The following SMARCD2 variants were observed in gnomAD, a reference collection of about 807,000 sequenced individuals.
SMARCD2 encodes the protein SWI/SNF-related matrix-associated actin-dependent regulator of chromatin subfamily D member 2.
In SMARCD2, 39 loss-of-function variants were observed where a neutral mutation model predicts 70.4. The observed-to-expected ratio is 0.55, with a 90% CI of 0.43 to 0.72. The LOEUF is 0.72. Among genes scored for constraint, SMARCD2 ranks in the 30% least tolerant of loss-of-function variants. SMARCD2 has a pLI of 0.00. For missense variants in SMARCD2, 540 were observed against 713.4 expected (o/e 0.76, Z 2.77); for synonymous variants, 249 against 279.4 (o/e 0.89, Z 1.08).
chr17:63,832,319 G>A lies in SMARCD2; in HGVS notation c.*619C>T. ...GAGGCAGCCCTCTGGCATCCCAGGA[G>A]ATGATGGCGGCCAGAGCCGCTTGCA... is the stretch of plus-strand genomic sequence containing the variant. On this transcript the variant is annotated 3_prime_UTR_variant, in exon 13 of 13. Coordinates refer to ENST00000448276, the MANE Select transcript of SMARCD2 (RefSeq NM_001098426.2). 1 of 328,542 alleles carries A rather than the reference G, an allele frequency of 3.0e-6. No individual in the cohort carries two copies. The highest frequency in any genetic ancestry group is 6.1e-5 in the East Asian group (1 of 16,472). The allele number at this position is 328,542 out of a possible 1,614,324, so 20.4% of individuals were successfully genotyped here.
Position 63,837,455 on chromosome 17 carries a change from A to G in SMARCD2, c.387T>C (p.Pro129=). The change falls in exon 2 of 13, where the codon CCT becomes CCC. Residue 129 remains proline, a synonymous_variant. Transcript: ENST00000448276. This position sits in a 1 kb window ranked among gnomAD's most constrained non-coding sequence, Gnocchi z 6.4. ...LLVPQAQPPM[P]AQRRGLKRRK... ...GATGCTCTTACCCCCGGCGCTGGGC[A>G]GGCATGGGAGGCTGCGCCTGGGGCA... is the stretch of plus-strand genomic sequence containing the variant. 1 of 1,574,742 alleles carries G rather than the reference A, an allele frequency of 6.4e-7. No individual in the cohort carries two copies. Among genetic ancestry groups the G allele is most frequent in the Non-Finnish European group, 8.6e-7 (1 of 1,158,194 alleles).
In SMARCD2 at chr17:63,835,406, A is replaced by G; in HGVS notation, c.723+6T>C. 4 of 1,611,908 alleles carry G rather than the reference A, an allele frequency of 2.5e-6. No individual in the cohort carries two copies. Among genetic ancestry groups the G allele is most frequent in the South Asian group, 1.1e-5 (1 of 90,888 alleles). ...CTTCCCTCCAGAACCTCCCTCCCCA[A>G]CTCACATCATCCAGCAGTTTTCCTT... On this transcript the variant is annotated splice_donor_region_variant and intron_variant, in intron 5 of 12. Coordinates refer to ENST00000448276, the MANE Select transcript of SMARCD2 (RefSeq NM_001098426.2).
rs924483109 is a variant in SMARCD2 at position 63,838,498 on chromosome 17, G to A, written c.217-873C>T. On this transcript the variant is annotated intron_variant, in intron 1 of 12. Transcript: ENST00000448276. ...CGTGTAGCCCTGGCAATCCCAAGCT[G>A]GAGAAGGGGGCTAAGATTATCCTGG... The A allele has an allele frequency of 7.9e-6, 8 of 1,008,550 alleles. No individual in the cohort carries two copies. In the African/African-American group the frequency reaches 1.3e-4, roughly 17 times the overall value. The allele number at this position is 1,008,550 out of a possible 1,614,324, so 62.5% of individuals were successfully genotyped here.
rs200160126 is a variant in SMARCD2 at position 63,835,514 on chromosome 17, C to T, written c.621G>A (p.Ala207=). The T allele has an allele frequency of 4.1e-5, 66 of 1,614,042 alleles. No individual in the cohort carries two copies. The highest frequency in any genetic ancestry group is 4.0e-4 in the East Asian group (18 of 44,888). Residue 207 remains alanine (A), a synonymous_variant, in exon 5 of 13, where the codon GCG becomes GCA. Transcript: ENST00000448276. ...CTGCAGTTCCTGCACTATCGCCTTCCGCCTTGCTGGGACTGAACGTATTGG... is the reference window on the plus strand; with the variant it reads ...CTGCAGTTCCTGCACTATCGCCTTCTGCCTTGCTGGGACTGAACGTATTGG... ...YISNTFSPSK[A]EGDSAGTAGT... is the part of the protein sequence containing the mutation.
In SMARCD2 at chr17:63,834,007, C is replaced by G. The variant is rs779294268; in HGVS notation, c.1084-1G>C. On this transcript the variant is annotated splice_acceptor_variant, in intron 8 of 12. Transcript: ENST00000448276. LOFTEE classifies it high-confidence loss of function. This position sits in a 1 kb window ranked among gnomAD's most constrained non-coding sequence, Gnocchi z 5.6. ...AACGGAGTCGGCCACAACTGAAGAT[C>G]TGGAGGAAATACGAAAGGCTCAGCG... 1 of 1,613,508 alleles carries G rather than the reference C, an allele frequency of 6.2e-7. No homozygotes were observed. The highest frequency in any genetic ancestry group is 8.5e-7 in the Non-Finnish European group (1 of 1,179,440).
intron 1 of SMARCD2, chr17:63,839,166 G>GA (rs1056999520): frequency 3.0e-6 from 3 of 985,180 alleles, no homozygotes; most frequent in Admixed American, 6.1e-5. Context: ...TGAGATTATA[G>GA]AAAAAAACTA....
chr17:63,840,711 G>C (rs937265572), intron 1 of SMARCD2, among the ~76,000 whole-genome samples: 2 of 152,178 alleles, frequency 1.3e-5, no homozygotes, highest in Non-Finnish European at 2.9e-5. Context: ...ACTGGACTTG[G>C]AAAGAAGGCA....
chr17:63,834,136 C>G lies in SMARCD2; in HGVS notation c.1083+31G>C. On this transcript the variant is annotated intron_variant, in intron 8 of 12. Transcript: ENST00000448276. The surrounding 1 kb of genome is among the most constrained non-coding windows in gnomAD (Gnocchi z 5.6). ...CCCAGCAGGCAAGGCAAAGCAAGGG[C>G]TGAGAAAACGGGGGCTGGCATCTGG... The G allele has an allele frequency of 1.2e-6, 2 of 1,607,760 alleles. No homozygotes were observed. The highest frequency in any genetic ancestry group is 1.7e-6 in the Non-Finnish European group (2 of 1,175,888).
Position 63,834,438 on chromosome 17 carries a change from C to T in SMARCD2, c.921+36G>A, listed in dbSNP as rs1422039002. The stretch of plus-strand genomic sequence containing the variant: ...AACCAGCTCCCCTCCTGAGGGGTCC[C>T]TGTGGGCCCAGAAATGACCCCAGGG... On this transcript the variant is annotated intron_variant, in intron 7 of 12. Coordinates refer to ENST00000448276, the MANE Select transcript of SMARCD2 (RefSeq NM_001098426.2). This position sits in a 1 kb window ranked among gnomAD's most constrained non-coding sequence, Gnocchi z 5.6. 1.9e-6 allele frequency: 3 copies of T among 1,554,124 alleles called. No individual in the cohort carries two copies. The highest frequency in any genetic ancestry group is 2.6e-6 in the Non-Finnish European group (3 of 1,139,924).
rs1409411503 is a variant in SMARCD2, at chr17:63,832,360, AAAG to A, written c.*575_*577del. ...GCCGCTTGCATAGATTGAGGAAAGA[AAAG>A]AAGGAGGCACCTAACAGGCTCCCTG... is the stretch of plus-strand genomic sequence containing the variant. On this transcript the variant is annotated 3_prime_UTR_variant, in exon 13 of 13. Coordinates refer to ENST00000448276, the MANE Select transcript of SMARCD2 (RefSeq NM_001098426.2). 8 of 235,680 alleles carry A rather than the reference AAAG, an allele frequency of 3.4e-5. No individual in the cohort carries two copies. Among genetic ancestry groups the A allele is most frequent in the African/African-American group, 1.1e-4 (5 of 43,674 alleles). 14.6% of individuals were successfully genotyped at this position (235,680 alleles called of 1,614,324 possible).
In SMARCD2 at chr17:63,842,117, C is replaced by G. The variant is rs138368322; in HGVS notation, c.216+342G>C. On this transcript the variant is annotated intron_variant, in intron 1 of 12. Coordinates refer to ENST00000448276, the MANE Select transcript of SMARCD2 (RefSeq NM_001098426.2). ...TTCTCAGCGAGGGCCCTTTCCCAAA[C>G]TTTCTCATCACTTTCCAGCCCTCCT... Among the ~76,000 whole-genome samples, 294 of 152,300 alleles carry G rather than the reference C, an allele frequency of 1.9e-3. 2 individuals are homozygous for G. The highest frequency in any genetic ancestry group is 6.9e-3 in the African/African-American group (285 of 41,572).
In SMARCD2 at chr17:63,837,622, G is replaced by T; in HGVS notation, c.220C>A (p.Pro74Thr). 1 of 1,612,520 alleles carries T rather than the reference G, an allele frequency of 6.2e-7. No homozygotes were observed. The highest frequency in any genetic ancestry group is 8.5e-7 in the Non-Finnish European group (1 of 1,179,408). Residue 74 changes from proline to threonine, a missense_variant, in exon 2 of 13, where the codon CCT becomes ACT. Pro to Thr is a conservative substitution (Grantham distance 38). Transcript: ENST00000448276. This position sits in a 1 kb window ranked among gnomAD's most constrained non-coding sequence, Gnocchi z 6.4. ...ATCCGGTTCCCTGGTGACATGCCAG[G>T]TCGCTGGGGGAAGTGAGCCAACGGG... ...PAGPAAQYQR[P>T]GMSPGNRMPM...
chr17:63,832,588 G>A lies in SMARCD2; in HGVS notation c.*350C>T. 1 of 374,254 alleles carries A rather than the reference G, an allele frequency of 2.7e-6. No individual in the cohort carries two copies. The highest frequency in any genetic ancestry group is 4.0e-5 in the Admixed American group (1 of 25,132). 23.2% of individuals were successfully genotyped at this position (374,254 alleles called of 1,614,324 possible). Reference sequence around the variant, plus strand: ...TTCCTAGCCCAGCTCCCCAGAGCCAGCTCTGACCCTCGCCCCAGGGGGAGT... The same window carrying A: ...TTCCTAGCCCAGCTCCCCAGAGCCAACTCTGACCCTCGCCCCAGGGGGAGT... On this transcript the variant is annotated 3_prime_UTR_variant, in exon 13 of 13. Transcript: ENST00000448276.
In SMARCD2 at chr17:63,834,301, A is replaced by T; in HGVS notation, c.949T>A (p.Leu317Met). 2 of 1,612,506 alleles carry T rather than the reference A, an allele frequency of 1.2e-6. No individual in the cohort carries two copies. Among genetic ancestry groups the T allele is most frequent in the Middle Eastern group, 3.3e-4 (2 of 6,058 alleles). The change falls in exon 8 of 13, where the codon TTG (leucine) becomes ATG (methionine). Residue 317 changes from leucine (L) to methionine (M), a missense_variant. Leu to Met is a conservative substitution (Grantham distance 15). Transcript: ENST00000448276. The surrounding 1 kb of genome is among the most constrained non-coding windows in gnomAD (Gnocchi z 5.6). Reference protein sequence around the residue: ...QPPQYKLDPRLARLLGVHTQT... With the variant: ...QPPQYKLDPRMARLLGVHTQT... ...GTGTGCACTCCCAGCAGCCTTGCCA[A>T]TCGGGGGTCCAATTTGTACTGGGGA...
Position 63,833,698 on chromosome 17 carries a change from C to T in SMARCD2, c.1206G>A (p.Lys402=). The change falls in exon 10 of 13, where the codon AAG becomes AAA. Residue 402 remains lysine (K), a synonymous_variant. Coordinates refer to ENST00000448276, the MANE Select transcript of SMARCD2 (RefSeq NM_001098426.2). The surrounding 1 kb of genome is among the most constrained non-coding windows in gnomAD (Gnocchi z 4.3). The part of the protein sequence containing the change: ...VISVDPNDQK[K]TACYDIDVEV... Reference sequence around the variant, plus strand: ...CCACATCGATGTCGTAACAGGCTGTCTTCTTCTGGTCGTTAGGGTCGACAC... The same window carrying T: ...CCACATCGATGTCGTAACAGGCTGTTTTCTTCTGGTCGTTAGGGTCGACAC... 6.2e-7 allele frequency: 1 copy of T among 1,613,920 alleles called. No homozygotes were observed.
chr17:63,833,524 T>C lies in SMARCD2; in HGVS notation c.1317+63A>G. ...CCAGGTGCTACATGTATGGAAATGC[T>C]GGACAGAGCCAGCCCACCCCAATCC... On this transcript the variant is annotated intron_variant, in intron 10 of 12. Transcript: ENST00000448276. This position sits in a 1 kb window ranked among gnomAD's most constrained non-coding sequence, Gnocchi z 4.3. The C allele has an allele frequency of 6.2e-7, 1 of 1,612,070 alleles. No individual in the cohort carries two copies. The highest frequency in any genetic ancestry group is 1.1e-5 in the South Asian group (1 of 90,988).
Position 63,837,496 on chromosome 17 carries a change from G to T in SMARCD2, c.346C>A (p.Arg116=). 6.3e-7 allele frequency: 1 copy of T among 1,595,860 alleles called. No homozygotes were observed. Among genetic ancestry groups the T allele is most frequent in the Admixed American group, 1.7e-5 (1 of 58,416 alleles). ...GCCTGGGGCACAAGCAGGCGTTTTCGGAATGGATCCATCATGGTGGGTGGC... is the reference window on the plus strand; with the variant it reads ...GCCTGGGGCACAAGCAGGCGTTTTCTGAATGGATCCATCATGGTGGGTGGC... The part of the protein sequence containing the change: ...GMPPTMMDPF[R]KRLLVPQAQP... The change falls in exon 2 of 13, where the codon CGA becomes AGA. Residue 116 remains arginine, a synonymous_variant. Coordinates refer to ENST00000448276, the MANE Select transcript of SMARCD2 (RefSeq NM_001098426.2). The surrounding 1 kb of genome is among the most constrained non-coding windows in gnomAD (Gnocchi z 6.4).
intron 1 of SMARCD2, among the ~76,000 whole-genome samples, chr17:63,840,887 G>A (rs1008994697): frequency 6.6e-6 from 1 of 152,250 alleles, no homozygotes; most frequent in African/African-American, 2.4e-5. Context: ...CAGCCAGCTT[G>A]GCCTTGCCAC....
chr17:63,842,506 C>G lies in SMARCD2; in HGVS notation c.169G>C (p.Ala57Pro). Reference protein sequence around the residue: ...PAGGVGGPGAAAFRPMGPAGP... With the variant: ...PAGGVGGPGAPAFRPMGPAGP... ...GCGGGGCCCATGGGGCGGAAGGCGG[C>G]GGCCCCGGGGCCCCCCACGCCTCCT... The change falls in exon 1 of 13, where the codon GCC becomes CCC. Residue 57 changes from alanine (A) to proline (P), a missense_variant. Physicochemically the swap from Ala to Pro is conservative, Grantham distance 27 (BLOSUM62 -1). Coordinates refer to ENST00000448276, the MANE Select transcript of SMARCD2 (RefSeq NM_001098426.2). 1 of 1,232,624 alleles carries G rather than the reference C, an allele frequency of 8.1e-7. No homozygotes were observed. The allele number at this position is 1,232,624 out of a possible 1,614,324, so 76.4% of individuals were successfully genotyped here.
Sources: gnomAD v4.1 joint callset for allele counts (sites outside exome capture counted in the v4.1 genomes callset) on GRCh38, gnomAD v4.1.1 for gene constraint, Gnocchi (gnomAD v3.1) non-coding constraint, MANE v1.5 for transcripts, NCBI Gene and HGNC (gene_info 2026-07-23, HGNC 2026-07-21) for gene names.